Variants in CTNND2 observed in about 807,000 individuals in gnomAD.
CTNND2 encodes catenin delta 2.
In CTNND2, 22 loss-of-function variants were observed where a neutral mutation model predicts 144.4. The ratio of observed to expected loss-of-function variants is 0.15; its 90% CI spans 0.11 to 0.22. The LOEUF (loss-of-function observed/expected upper bound fraction) is 0.22, where lower values mean the gene tolerates loss of function less well. Among genes scored for constraint, CTNND2 ranks in the 10% least tolerant of loss-of-function variants. The pLI is 1.00. For missense variants in CTNND2, 1,353 were observed against 1,618.8 expected (o/e 0.84, Z 2.82); for synonymous variants, 751 against 695.6 (o/e 1.08, Z -1.25).
intron 9 of CTNND2, among the ~76,000 whole-genome samples, chr5:11,316,529 T>C (rs1018114870): frequency 2.7e-5 from 4 of 150,484 alleles, no homozygotes; most frequent in Non-Finnish European, 5.9e-5. Context: ...TTAGGGTACA[T>C]GTGCACAATG....
At chr5:11,473,281 G>T (rs1225800585) in intron 3 of CTNND2, among the ~76,000 whole-genome samples, 1 of 152,140 alleles carries the variant, frequency 6.6e-6, no homozygotes, top group East Asian at 1.9e-4. Flanking sequence ...AGTGGGGAGA[G>T]AGAAAATGCA....
intron 1 of CTNND2, among the ~76,000 whole-genome samples, chr5:11,796,601 T>C (rs1415285675): frequency 3.0e-5 from 1 of 33,502 alleles, no homozygotes; most frequent in African/African-American, 3.5e-5. Context: ...CAAGGGCATA[T>C]AACATTTTCA....
At position 11,582,138 on chromosome 5, in the gene CTNND2, AC is replaced by A. The variant is rs569492467; in HGVS notation, c.175-17083del. 2.9e-3 allele frequency among the ~76,000 whole-genome samples: 446 copies of A among 152,258 alleles called. 1 individual carries two copies. The highest frequency in any genetic ancestry group is 4.3e-3 in the Non-Finnish European group (293 of 68,012). On this transcript the variant is annotated intron_variant, in intron 2 of 21. Coordinates refer to ENST00000304623, the MANE Select transcript of CTNND2 (RefSeq NM_001332.4). Reference sequence around the variant, plus strand: ...CTGGTCTGCATTACAGCTACAGTATACCCTAACTTGGCACTGGGAAGCCCCT... The same window carrying A: ...CTGGTCTGCATTACAGCTACAGTATACCTAACTTGGCACTGGGAAGCCCCT...
At chr5:11,505,212 T>C (rs1394621719) in intron 3 of CTNND2, among the ~76,000 whole-genome samples, 1 of 132,480 alleles carries the variant, frequency 7.5e-6, no homozygotes, top group Non-Finnish European at 1.6e-5. Context: ...AAAAAAAAAG[T>C]CGAGAAAGTC....
chr5:11,343,383 G>A (rs1284023067), intron 9 of CTNND2, among the ~76,000 whole-genome samples: 1 of 152,082 alleles, frequency 6.6e-6, no homozygotes, highest in Non-Finnish European at 1.5e-5. Context: ...GAAAAATAAG[G>A]TAGATGCCGG....
At chr5:11,047,076 C>T (rs1208969913) in intron 16 of CTNND2, among the ~76,000 whole-genome samples, 1 of 152,192 alleles carries the variant, frequency 6.6e-6, no homozygotes, top group Non-Finnish European at 1.5e-5. Flanking sequence ...TCATGAATTT[C>T]CGGAGGGTTA....
chr5:11,051,687 A>T (rs1299750213), intron 16 of CTNND2, among the ~76,000 whole-genome samples: 1 of 152,112 alleles, frequency 6.6e-6, no homozygotes, highest in Non-Finnish European at 1.5e-5. Flanking sequence ...AAAGCTATAG[A>T]TCTTGTAATA....
chr5:11,896,174 A>G (rs1174909955), intron 1 of CTNND2, among the ~76,000 whole-genome samples: 4 of 152,210 alleles, frequency 2.6e-5, no homozygotes, highest in Non-Finnish European at 5.9e-5. Context: ...AAATGTCATC[A>G]ATCTCCAATA....
At chr5:11,614,690 T>C in intron 2 of CTNND2, among the ~76,000 whole-genome samples, 1 of 152,148 alleles carries the variant, frequency 6.6e-6, no homozygotes, top group East Asian at 1.9e-4. Context: ...GACGGAATAT[T>C]CTAGGGCAGT....
In CTNND2 at chr5:11,577,601, A is replaced by G. The variant is rs182521090; in HGVS notation, c.175-12545T>C. Among the ~76,000 whole-genome samples the G allele has an allele frequency of 3.2e-4, 48 of 152,300 alleles. 1 individual carries two copies. The highest frequency in any genetic ancestry group is 2.6e-3 in the Admixed American group (40 of 15,296). ...GATTTAAGCACAGACCTTGACAAAT[A>G]CTGAATGTGTGTGGTTGTGTTTCAG... On this transcript the variant is annotated intron_variant, in intron 2 of 21. Transcript: ENST00000304623.
chr5:11,868,144 G>T (rs532725750), intron 1 of CTNND2, among the ~76,000 whole-genome samples: 5 of 152,086 alleles, frequency 3.3e-5, no homozygotes, highest in African/African-American at 4.8e-5. Flanking sequence ...TGACGCATGC[G>T]CAGGGGTGTC....
chr5:11,182,537 C>T (rs1418960342), intron 11 of CTNND2, among the ~76,000 whole-genome samples: 2 of 151,758 alleles, frequency 1.3e-5, no homozygotes, highest in Non-Finnish European at 1.5e-5. Flanking sequence ...CCACTGCCCA[C>T]GATGGCTTCA....
chr5:11,535,592 A>G (rs1412488646), intron 3 of CTNND2, among the ~76,000 whole-genome samples: 1 of 152,188 alleles, frequency 6.6e-6, no homozygotes, highest in Non-Finnish European at 1.5e-5. Flanking sequence ...TATAGATTGA[A>G]GCAAAACTAA....
chr5:11,175,719 A>C (rs1413028964), intron 11 of CTNND2, among the ~76,000 whole-genome samples: 3 of 152,112 alleles, frequency 2.0e-5, no homozygotes, highest in Non-Finnish European at 4.4e-5. Flanking sequence ...ATCTGCTCTA[A>C]AGATGCTTCT....
intron 10 of CTNND2, among the ~76,000 whole-genome samples, chr5:11,210,630 C>G (rs997360462): frequency 6.6e-6 from 1 of 152,174 alleles, no homozygotes; most frequent in Non-Finnish European, 1.5e-5. Flanking sequence ...GATTGTTCAA[C>G]ATCTCAAAGA....
At chr5:11,494,291 T>A (rs947168098) in intron 3 of CTNND2, among the ~76,000 whole-genome samples, 9 of 152,190 alleles carry the variant, frequency 5.9e-5, no homozygotes, top group African/African-American at 2.2e-4. Context: ...ATGATGGACC[T>A]TTTGGTCTCA....
At chr5:11,493,150 A>G (rs1769601612) in intron 3 of CTNND2, among the ~76,000 whole-genome samples, 1 of 152,180 alleles carries the variant, frequency 6.6e-6, no homozygotes, top group African/African-American at 2.4e-5. Flanking sequence ...AATTATTCTT[A>G]CAGTTACTGG....
chr5:11,273,448 A>G (rs773141770), intron 9 of CTNND2, among the ~76,000 whole-genome samples: 2 of 152,168 alleles, frequency 1.3e-5, no homozygotes, highest in African/African-American at 2.4e-5. Flanking sequence ...TGTCTCGCTG[A>G]AGAGCAGTCC....
At chr5:11,659,598 T>C (rs184281659) in intron 2 of CTNND2, among the ~76,000 whole-genome samples, 6 of 152,266 alleles carry the variant, frequency 3.9e-5, no homozygotes, top group East Asian at 1.9e-4. Context: ...CAAGGACTCC[T>C]GATGCCTGCT....
Sources: allele counts gnomAD v4.1 joint callset (sites outside exome capture counted in the v4.1 genomes callset), GRCh38; gene constraint gnomAD v4.1.1; transcripts MANE v1.5; gene names NCBI Gene and HGNC (gene_info 2026-07-23, HGNC 2026-07-21).